Variants in ZNF423 observed in about 807,000 individuals in gnomAD.
The protein encoded by ZNF423 is zinc finger protein 423.
ZNF423 carries 12 observed loss-of-function variants against 95.8 expected under a neutral mutation model. The observed-to-expected ratio is 0.13, with a 90% CI of 0.08 to 0.20. The LOEUF (loss-of-function observed/expected upper bound fraction) is 0.20, where lower values mean the gene tolerates loss of function less well. Ranked by LOEUF, ZNF423 falls within the 10% of genes least tolerant of loss-of-function variation. The pLI, the probability that ZNF423 is intolerant of heterozygous loss-of-function variation, is 1.00. For synonymous variants in ZNF423, 749 were observed against 711.9 expected (o/e 1.05, Z -0.83); for missense variants, 1,316 against 1,737.1 (o/e 0.76, Z 4.31).
At chr16:49,522,348 T>C (rs1442186602) in intron 7 of ZNF423, among the ~76,000 whole-genome samples, 1 of 152,122 alleles carries the variant, frequency 6.6e-6, no homozygotes, top group Non-Finnish European at 1.5e-5. Flanking sequence ...CTTGAAGTGC[T>C]GGTAGAGAAG....
intron 1 of ZNF423, among the ~76,000 whole-genome samples, chr16:49,849,420 G>T (rs867530517): frequency 5.3e-5 from 8 of 152,290 alleles, no homozygotes; most frequent in Middle Eastern, 6.8e-3. Flanking sequence ...CAACCTCAAT[G>T]ACCCCAAATC....
chr16:49,825,767 C>CGAG (rs1192782483), intron 1 of ZNF423, among the ~76,000 whole-genome samples: 4 of 152,174 alleles, frequency 2.6e-5, no homozygotes, highest in Non-Finnish European at 5.9e-5. Context: ...TATCAATGAG[C>CGAG]GAGGGCGTGA....
chr16:49,543,807 A>T (rs1969343855), intron 5 of ZNF423, among the ~76,000 whole-genome samples: 1 of 151,908 alleles, frequency 6.6e-6, no homozygotes, highest in South Asian at 2.2e-4. Context: ...CGCAAGCCGG[A>T]GTCATATGAC....
intron 5 of ZNF423, among the ~76,000 whole-genome samples, chr16:49,585,423 C>T (rs1312008274): frequency 6.6e-6 from 1 of 152,164 alleles, no homozygotes; most frequent in South Asian, 2.1e-4. Context: ...CACCCATAGC[C>T]GCTGTACAGC....
At chr16:49,810,001 T>G (rs553201469) in intron 1 of ZNF423, among the ~76,000 whole-genome samples, 131 of 151,768 alleles carry the variant, frequency 8.6e-4, no homozygotes, top group African/African-American at 3.1e-3. Context: ...GTGTCAAAGG[T>G]CTGCCCAGGC....
At chr16:49,685,926 G>A (rs1427759029) in intron 3 of ZNF423, among the ~76,000 whole-genome samples, 6 of 152,022 alleles carry the variant, frequency 3.9e-5, no homozygotes, top group East Asian at 1.9e-4. Context: ...ACATGCCAGC[G>A]CCCTCCTGAC....
chr16:49,587,947 T>C (rs1002445789), intron 5 of ZNF423, among the ~76,000 whole-genome samples: 6 of 152,116 alleles, frequency 3.9e-5, no homozygotes, highest in Admixed American at 3.9e-4. Context: ...CACGCACACA[T>C]AACCAGGACA....
chr16:49,584,916 T>C (rs1970778244), intron 5 of ZNF423, among the ~76,000 whole-genome samples: 2 of 152,214 alleles, frequency 1.3e-5, no homozygotes, highest in Admixed American at 1.3e-4. Context: ...GTCTCTGTTA[T>C]TCCGGAAGGA....
In ZNF423 at chr16:49,637,633, T is replaced by C. The variant is rs1321410369; in HGVS notation, c.1543A>G (p.Asn515Asp). 2 of 1,613,870 alleles carry C rather than the reference T, an allele frequency of 1.2e-6. No individual in the cohort carries two copies. Among genetic ancestry groups the C allele is most frequent in the South Asian group, 2.2e-5 (2 of 91,038 alleles). ...EHIRVSHCGP[N>D]ANPSDGNNAF... is the part of the protein sequence containing the mutation. ...TTATTACCGTCAGAGGGGTTGGCGT[T>C]GGGGCCGCAGTGGGAGACGCGGATG... The change falls in exon 4 of 8, where the codon AAC (asparagine) becomes GAC (aspartate). Residue 515 changes from asparagine to aspartate, a missense_variant. By Grantham distance (23) the Asn-to-Asp change is conservative (BLOSUM62 1). Coordinates refer to ENST00000563137, the MANE Select transcript of ZNF423 (RefSeq NM_001379286.1). This position sits in a 1 kb window ranked among gnomAD's most constrained non-coding sequence, Gnocchi z 5.6.
intron 1 of ZNF423, among the ~76,000 whole-genome samples, chr16:49,845,222 A>G (rs894360200): frequency 2.0e-5 from 3 of 150,122 alleles, no homozygotes; most frequent in African/African-American, 7.4e-5. Context: ...CTCCTGCCTC[A>G]GCCTCCTGGG....
intron 5 of ZNF423, among the ~76,000 whole-genome samples, chr16:49,622,678 G>T (rs1972125036): frequency 6.6e-6 from 1 of 152,192 alleles, no homozygotes; most frequent in Non-Finnish European, 1.5e-5. Context: ...CCTGGCAGGG[G>T]CTCCAAACAC....
chr16:49,815,627 G>A (rs2034824542), intron 1 of ZNF423, among the ~76,000 whole-genome samples: 1 of 151,912 alleles, frequency 6.6e-6, no homozygotes, highest in African/African-American at 2.4e-5. Context: ...CGGAGTACTG[G>A]CAACCTTGAG....
chr16:49,542,318 C>T (rs927394090), intron 5 of ZNF423, among the ~76,000 whole-genome samples: 4 of 152,206 alleles, frequency 2.6e-5, no homozygotes, highest in African/African-American at 4.8e-5. Context: ...TTTTCAAGCC[C>T]GGGCTCTGCC....
At chr16:49,807,363 A>G (rs1161193173) in intron 1 of ZNF423, among the ~76,000 whole-genome samples, 9 of 152,014 alleles carry the variant, frequency 5.9e-5, no homozygotes, top group Admixed American at 5.9e-4. Flanking sequence ...CCCGGGAGGC[A>G]GAGCTTGCAG....
At chr16:49,502,235 C>T (rs1035403322) in intron 7 of ZNF423, among the ~76,000 whole-genome samples, 1 of 152,124 alleles carries the variant, frequency 6.6e-6, no homozygotes, top group Non-Finnish European at 1.5e-5. Context: ...CAGCAGATGG[C>T]CCAACATTAG....
At chr16:49,599,204 A>T (rs1971277820) in intron 5 of ZNF423, among the ~76,000 whole-genome samples, 1 of 152,226 alleles carries the variant, frequency 6.6e-6, no homozygotes, top group South Asian at 2.1e-4. Flanking sequence ...GAAAAGACAC[A>T]GACCCATCTA....
chr16:49,665,212 G>A (rs1434016943), intron 3 of ZNF423, among the ~76,000 whole-genome samples: 2 of 152,250 alleles, frequency 1.3e-5, no homozygotes, highest in Non-Finnish European at 2.9e-5. Context: ...GCGGCATTCA[G>A]TAAATATAGA....
At chr16:49,621,235 G>C (rs906624741) in intron 5 of ZNF423, among the ~76,000 whole-genome samples, 2 of 152,212 alleles carry the variant, frequency 1.3e-5, no homozygotes, top group African/African-American at 4.8e-5. Context: ...TTCTGGGGGA[G>C]GAAGTGTCAA....
At chr16:49,595,445 C>A (rs1241439815) in intron 5 of ZNF423, among the ~76,000 whole-genome samples, 1 of 152,202 alleles carries the variant, frequency 6.6e-6, no homozygotes, top group Non-Finnish European at 1.5e-5. Context: ...GCCTTCCCAG[C>A]CACAGACCAG....
Sources: gnomAD v4.1 joint callset for allele counts (sites outside exome capture counted in the v4.1 genomes callset) on GRCh38, gnomAD v4.1.1 for gene constraint, Gnocchi (gnomAD v3.1) non-coding constraint, MANE v1.5 for transcripts, NCBI Gene and HGNC (gene_info 2026-07-23, HGNC 2026-07-21) for gene names.